Variants in CUX1 observed in about 807,000 individuals in gnomAD.
CUX1 encodes cut like homeobox 1, also known as protein CASP.
In CUX1, 31 loss-of-function variants were observed where a neutral mutation model predicts 158.8. The ratio of observed to expected loss-of-function variants is 0.20; its 90% CI spans 0.15 to 0.26. The LOEUF (loss-of-function observed/expected upper bound fraction) is 0.26. Ranked by LOEUF, CUX1 falls within the 10% of genes least tolerant of loss-of-function variation. The pLI, the probability that CUX1 is intolerant of heterozygous loss-of-function variation, is 1.00. For missense variants in CUX1, 1,589 were observed against 2,014.6 expected (o/e 0.79, Z 4.04); for synonymous variants, 879 against 862.1 (o/e 1.02, Z -0.34).
chr7:102,083,261 T>C (rs1827635721), intron 4 of CUX1, among the ~76,000 whole-genome samples: 1 of 147,366 alleles, frequency 6.8e-6, no homozygotes, highest in Non-Finnish European at 1.5e-5. Flanking sequence ...TTTTTTCATG[T>C]GCATTTTTGC....
At chr7:101,907,975 C>T (rs1025504880) in intron 1 of CUX1, among the ~76,000 whole-genome samples, 8 of 152,008 alleles carry the variant, frequency 5.3e-5, no homozygotes, top group African/African-American at 1.2e-4. Flanking sequence ...AAAAAACCAT[C>T]GTTTACTTTT....
chr7:102,209,159 G>A lies in CUX1; in HGVS notation c.3130+3989G>A, dbSNP rs993179078. ...TTTCTTTTCCTCACTGAGAGCTCCC[G>A]TCAGCCTTTTCCTGCCGGGCTCTGT... On this transcript the variant is annotated intron_variant, in intron 20 of 23. Coordinates refer to ENST00000292535, the MANE Select transcript of CUX1 (RefSeq NM_181552.4). Among the ~76,000 whole-genome samples, 7 of 152,160 alleles carry A rather than the reference G, an allele frequency of 4.6e-5. No homozygotes were observed. The East Asian group carries it at 5.8e-4, about 13-fold the overall frequency.
At chr7:102,215,555 A>G (rs1460855901) in intron 20 of CUX1, among the ~76,000 whole-genome samples, 1 of 152,224 alleles carries the variant, frequency 6.6e-6, no homozygotes, top group Non-Finnish European at 1.5e-5. Context: ...ACTGTCCTAC[A>G]TTAAGTACCC....
intron 8 of CUX1, among the ~76,000 whole-genome samples, chr7:102,134,911 C>A (rs1445524167): frequency 6.6e-6 from 1 of 152,152 alleles, no homozygotes; most frequent in East Asian, 1.9e-4. Context: ...TTATTTTACT[C>A]TTTGTGTGTT....
intron 21 of CUX1, chr7:102,282,694 G>A (rs782393272): frequency 2.5e-5 from 41 of 1,611,478 alleles, no homozygotes; most frequent in East Asian, 8.9e-5. Context: ...GCAGCTCACC[G>A]TGTCTCCACC....
At chr7:101,984,946 G>C (rs1023155554) in intron 2 of CUX1, among the ~76,000 whole-genome samples, 1 of 152,048 alleles carries the variant, frequency 6.6e-6, no homozygotes, top group Non-Finnish European at 1.5e-5. Flanking sequence ...GAGCTATTTG[G>C]TGTGGCTCTC....
At chr7:102,108,778 A>G (rs1830620817) in intron 6 of CUX1, among the ~76,000 whole-genome samples, 1 of 104,124 alleles carries the variant, frequency 9.6e-6, no homozygotes, top group Non-Finnish European at 1.9e-5. Context: ...GTGTTTTGAG[A>G]CAAAGTCTCT....
At chr7:102,019,171 G>A (rs1006062900) in intron 2 of CUX1, among the ~76,000 whole-genome samples, 1 of 152,068 alleles carries the variant, frequency 6.6e-6, no homozygotes, top group Non-Finnish European at 1.5e-5. Context: ...TTGCCACTTA[G>A]ATAACCGCCC....
chr7:102,251,129 T>G lies in CUX1; in HGVS notation c.*2087T>G. On this transcript the variant is annotated 3_prime_UTR_variant, in exon 24 of 24. Coordinates refer to ENST00000292535, the MANE Select transcript of CUX1 (RefSeq NM_181552.4). ...ATACTGTATATTACTGATTGAAAAC[T>G]TTTTGACCGTATTGTGTATCATTGA... The G allele has an allele frequency of 2.0e-6, 2 of 985,186 alleles. No homozygotes were observed. The highest frequency in any genetic ancestry group is 2.4e-6 in the Non-Finnish European group (2 of 829,706). The allele number at this position is 985,186 out of a possible 1,614,324, so 61.0% of individuals were successfully genotyped here. A position where few individuals can be genotyped will look rare whatever the true frequency, so the allele number is the denominator to read the frequency against.
intron 1 of CUX1, among the ~76,000 whole-genome samples, chr7:101,850,804 A>G (rs1003090902): frequency 6.6e-6 from 1 of 152,148 alleles, no homozygotes; most frequent in Non-Finnish European, 1.5e-5. Flanking sequence ...AAGGCTGCCT[A>G]CGCCTCTCTC....
In CUX1 at chr7:102,201,573, C is replaced by A; in HGVS notation, c.2276C>A (p.Pro759His). Residue 759 changes from proline to histidine, a missense_variant, in exon 18 of 24, where the codon CCT (proline) becomes CAT (histidine). Coordinates refer to ENST00000292535, the MANE Select transcript of CUX1 (RefSeq NM_181552.4). This position sits in a 1 kb window ranked among gnomAD's most constrained non-coding sequence, Gnocchi z 5.0. Reference protein sequence around the residue: ...SPMPTVSSYPPLAISLKKPSA... With the variant: ...SPMPTVSSYPHLAISLKKPSA... ...ATGCCCACCGTGTCCAGCTACCCAC[C>A]TCTCGCCATCTCCCTGAAGAAGCCC... is the stretch of plus-strand genomic sequence containing the variant. 6.2e-6 allele frequency: 10 copies of A among 1,614,160 alleles called. No individual in the cohort carries two copies. The highest frequency in any genetic ancestry group is 8.5e-6 in the Non-Finnish European group (10 of 1,180,012).
intron 20 of CUX1, among the ~76,000 whole-genome samples, chr7:102,225,945 A>G (rs1236680198): frequency 6.6e-6 from 1 of 152,244 alleles, no homozygotes; most frequent in Non-Finnish European, 1.5e-5. Flanking sequence ...TTGTGCCAAG[A>G]CACTGAGCTG....
At position 101,957,024 on chromosome 7, in the gene CUX1, C is replaced by G. The variant is rs539134534; in HGVS notation, c.141+40799C>G. 5.1e-4 allele frequency among the ~76,000 whole-genome samples: 77 copies of G among 152,276 alleles called. 1 individual carries two copies. In the South Asian group the frequency reaches 0.015, roughly 29 times the overall value. ...TATAGTGTTATTGATATACTAAAAA[C>G]AGGTGGGAGGGAACAAGGCTAGTGT... On this transcript the variant is annotated intron_variant, in intron 2 of 23. Transcript: ENST00000292535.
In CUX1 at chr7:102,106,149, G is replaced by T. The variant is rs150791755; in HGVS notation, c.530+1690G>T. 1.1e-3 allele frequency among the ~76,000 whole-genome samples: 139 copies of T among 128,648 alleles called. 1 individual carries two copies. Among genetic ancestry groups the T allele is most frequent in the Non-Finnish European group, 1.5e-3 (96 of 64,390 alleles). 84.4% of individuals were successfully genotyped at this position (128,648 alleles called of 152,430 possible). A position where few individuals can be genotyped will look rare whatever the true frequency, so the allele number is the denominator to read the frequency against. ...GTCACCCAGGCTTGAGTGCAGTGTC[G>T]CAATCTTGGCTCACTGCAACCTCCG... is the stretch of plus-strand genomic sequence containing the variant. On this transcript the variant is annotated intron_variant, in intron 6 of 23. Coordinates refer to ENST00000292535, the MANE Select transcript of CUX1 (RefSeq NM_181552.4).
intron 2 of CUX1, among the ~76,000 whole-genome samples, chr7:101,986,249 T>G (rs113991780): frequency 5.3e-5 from 8 of 152,340 alleles, no homozygotes; most frequent in African/African-American, 1.9e-4. Flanking sequence ...TTTGTCACAT[T>G]TCATCGGTGA....
At chr7:101,856,801 C>G (rs1233463956) in intron 1 of CUX1, among the ~76,000 whole-genome samples, 1 of 152,200 alleles carries the variant, frequency 6.6e-6, no homozygotes, top group Non-Finnish European at 1.5e-5. Context: ...TAAACTGAAA[C>G]TGCTTTCTTG....
At chr7:102,171,443 T>G (rs147876858) in intron 10 of CUX1, among the ~76,000 whole-genome samples, 2,292 of 151,976 alleles carry the variant, frequency 0.015, 48 homozygotes, top group African/African-American at 0.051. Flanking sequence ...TTTTGGGTTT[T>G]TTTTTTTTTT....
At chr7:101,987,728 G>C (rs1814517761) in intron 2 of CUX1, among the ~76,000 whole-genome samples, 1 of 152,232 alleles carries the variant, frequency 6.6e-6, no homozygotes, top group Admixed American at 6.5e-5. Context: ...ATCCGAGGGA[G>C]GACTGCACCA....
rs1347507862 is a variant in CUX1 at position 101,829,402 on chromosome 7, A to G, written c.30+11733A>G. Among the ~76,000 whole-genome samples, 3 of 152,170 alleles carry G rather than the reference A, an allele frequency of 2.0e-5. No homozygotes were observed. In the South Asian group the frequency reaches 6.2e-4, roughly 32 times the overall value. The stretch of plus-strand genomic sequence containing the variant: ...TCATGGGAACAGATGGCGGACGGAC[A>G]CGGGCTTAGGCTCTTGGTTTATTTC... On this transcript the variant is annotated intron_variant, in intron 1 of 23. Coordinates refer to ENST00000292535, the MANE Select transcript of CUX1 (RefSeq NM_181552.4).
Sources: allele counts gnomAD v4.1 joint callset (sites outside exome capture counted in the v4.1 genomes callset), GRCh38; gene constraint gnomAD v4.1.1; non-coding constraint Gnocchi (gnomAD v3.1); transcripts MANE v1.5; gene names NCBI Gene and HGNC (gene_info 2026-07-23, HGNC 2026-07-21).